STXBP4: variants seen among roughly 807,000 people sequenced by gnomAD.
STXBP4 encodes the protein syntaxin-binding protein 4.
A neutral mutation model predicts 76.1 loss-of-function variants in STXBP4; 55 were observed. The observed-to-expected ratio is 0.72, with a 90% CI of 0.58 to 0.91. STXBP4 has a LOEUF of 0.91. Among genes scored for constraint, STXBP4 ranks in the 40% least tolerant of loss-of-function variants. The pLI, the probability that STXBP4 is intolerant of heterozygous loss-of-function variation, is 0.00. For synonymous variants in STXBP4, 201 were observed against 220.2 expected, an observed-to-expected ratio of 0.91 and a Z score of 0.77; for missense variants, 618 against 636.9, an observed-to-expected ratio of 0.97 and a Z score of 0.32.
At chr17:55,014,699 C>T (rs2078174256) in intron 8 of STXBP4, among the ~76,000 whole-genome samples, 1 of 152,162 alleles carries the variant, frequency 6.6e-6, no homozygotes, top group South Asian at 2.1e-4. Flanking sequence ...ACTCAGAGGA[C>T]CTTCATCCCC....
intron 12 of STXBP4, among the ~76,000 whole-genome samples, chr17:55,051,753 T>C (rs953279431): frequency 6.6e-6 from 1 of 152,014 alleles, no homozygotes; most frequent in African/African-American, 2.4e-5. Flanking sequence ...ACACCTTGTC[T>C]CTTAAAAGGA....
At chr17:55,060,617 T>C (rs1221376277) in intron 12 of STXBP4, among the ~76,000 whole-genome samples, 1 of 152,158 alleles carries the variant, frequency 6.6e-6, no homozygotes, top group Non-Finnish European at 1.5e-5. Flanking sequence ...CAATCAAGGA[T>C]AGCTACCAGA....
intron 12 of STXBP4, among the ~76,000 whole-genome samples, chr17:55,059,378 A>G (rs1165555358): frequency 6.6e-6 from 1 of 152,172 alleles, no homozygotes; most frequent in Admixed American, 6.5e-5. Flanking sequence ...TGACACAGAC[A>G]TTACAGTTCA....
intron 1 of STXBP4, among the ~76,000 whole-genome samples, chr17:54,973,528 T>C (rs2077428307): frequency 6.6e-6 from 1 of 152,172 alleles, no homozygotes; most frequent in South Asian, 2.1e-4. Flanking sequence ...TACAAGGAGT[T>C]CTTATGATGA....
At chr17:55,132,500 T>C (rs922850279) in intron 16 of STXBP4, among the ~76,000 whole-genome samples, 6 of 152,188 alleles carry the variant, frequency 3.9e-5, no homozygotes, top group African/African-American at 1.4e-4. Context: ...AATTATCTTA[T>C]TAAACACCCT....
Position 55,070,031 on chromosome 17 carries a change from A to C in STXBP4, c.1012-2869A>C, listed in dbSNP as rs138923734. Among the ~76,000 whole-genome samples the C allele has an allele frequency of 6.6e-5, 10 of 152,212 alleles. No homozygotes were observed. In the South Asian group the frequency reaches 1.9e-3, roughly 28 times the overall value. On this transcript the variant is annotated intron_variant, in intron 12 of 17. Transcript: ENST00000376352. ...TAATGACCACATCATAAGCTCATCCAGGACTGGGCACTGATAATATTGTCA... is the reference window on the plus strand; with the variant it reads ...TAATGACCACATCATAAGCTCATCCCGGACTGGGCACTGATAATATTGTCA...
chr17:55,200,850 A>G, the STXBP4 span, among the ~76,000 whole-genome samples: 1 of 152,346 alleles, frequency 6.6e-6, no homozygotes, highest in East Asian at 1.9e-4. Flanking sequence ...CATAGTGCAT[A>G]TGTTAGAAAC....
At chr17:55,091,563 C>G (rs1160922696) in intron 16 of STXBP4, among the ~76,000 whole-genome samples, 1 of 152,070 alleles carries the variant, frequency 6.6e-6, no homozygotes, top group Non-Finnish European at 1.5e-5. Flanking sequence ...GAGCATAACA[C>G]AGTTTATTCA....
intron 8 of STXBP4, among the ~76,000 whole-genome samples, chr17:55,012,939 GT>G (rs1245947227): frequency 6.6e-6 from 1 of 152,194 alleles, no homozygotes; most frequent in Non-Finnish European, 1.5e-5. Context: ...TGGGTTAAGA[GT>G]TGCACAAGTG....
chr17:55,046,017 G>A (rs1261426274), intron 11 of STXBP4, among the ~76,000 whole-genome samples: 1 of 151,966 alleles, frequency 6.6e-6, no homozygotes, highest in Admixed American at 6.6e-5. Flanking sequence ...AAATAAAAAT[G>A]AAACCAAGAT....
chr17:55,166,208 A>G lies in STXBP4; in HGVS notation c.*6297A>G, dbSNP rs2080377020. ...TAATTGGTGAGTTTAGGATTAAAAA[A>G]AGGAATACATCCTAGAACATTTCTT... On this transcript the variant is annotated 3_prime_UTR_variant, in exon 18 of 18. Coordinates refer to ENST00000376352, the MANE Select transcript of STXBP4 (RefSeq NM_178509.6). 1 of 152,216 alleles carries G rather than the reference A, an allele frequency of 6.6e-6. No homozygotes were observed. The highest frequency in any genetic ancestry group is 2.4e-5 in the African/African-American group (1 of 41,448). 9.4% of individuals were successfully genotyped at this position (152,216 alleles called of 1,614,324 possible). A position where few individuals can be genotyped will look rare whatever the true frequency, so the allele number is the denominator to read the frequency against.
chr17:55,046,851 T>C (rs1487378414), intron 11 of STXBP4, among the ~76,000 whole-genome samples: 1 of 151,954 alleles, frequency 6.6e-6, no homozygotes, highest in Non-Finnish European at 1.5e-5. Context: ...TGTTAGAGCT[T>C]ATATTTTGAG....
chr17:54,971,451 A>G (rs886657010), intron 1 of STXBP4, among the ~76,000 whole-genome samples: 24 of 152,196 alleles, frequency 1.6e-4, no homozygotes, highest in Non-Finnish European at 1.5e-5. Context: ...CATAGATTGG[A>G]GTAAATGAGC....
chr17:54,986,164 TTCA>T lies in STXBP4; in HGVS notation c.-52_-50del. 7.0e-7 allele frequency: 1 copy of T among 1,429,672 alleles called. No individual in the cohort carries two copies. Among genetic ancestry groups the T allele is most frequent in the Non-Finnish European group, 9.7e-7 (1 of 1,027,568 alleles). 88.6% of individuals were successfully genotyped at this position (1,429,672 alleles called of 1,614,324 possible). A position where few individuals can be genotyped will look rare whatever the true frequency, so the allele number is the denominator to read the frequency against. ...TAGGAAAAGAAGAATTTCTAGACTC[TTCA>T]TCAAGATCTTCATTTATACAGCTGT... On this transcript the variant is annotated 5_prime_UTR_variant, in exon 3 of 18. Coordinates refer to ENST00000376352, the MANE Select transcript of STXBP4 (RefSeq NM_178509.6).
At chr17:55,149,566 TGTTA>T (rs2080192365) in intron 17 of STXBP4, among the ~76,000 whole-genome samples, 1 of 152,218 alleles carries the variant, frequency 6.6e-6, no homozygotes, top group Non-Finnish European at 1.5e-5. Flanking sequence ...GCTTAACAGC[TGTTA>T]GTTACCCCTC....
the STXBP4 span, among the ~76,000 whole-genome samples, chr17:55,197,492 C>T: frequency 6.6e-6 from 1 of 152,242 alleles, no homozygotes; most frequent in East Asian, 1.9e-4. Context: ...GCCTGTAATC[C>T]CAGCACTTTG....
intron 8 of STXBP4, among the ~76,000 whole-genome samples, 188 bp downstream of exon 8, chr17:55,007,785 C>T (rs994047448): frequency 1.3e-5 from 2 of 152,042 alleles, no homozygotes; most frequent in East Asian, 1.9e-4. Context: ...TGGTGGTTCA[C>T]TAGTACAAAA....
rs138046469 is a variant in STXBP4 at position 55,115,567 on chromosome 17, A to G, written c.1490-25743A>G. Among the ~76,000 whole-genome samples the G allele has an allele frequency of 5.6e-3, 848 of 151,794 alleles. 2 individuals are homozygous for G. The highest frequency in any genetic ancestry group is 8.4e-3 in the Admixed American group (128 of 15,206). On this transcript the variant is annotated intron_variant, in intron 16 of 17. Coordinates refer to ENST00000376352, the MANE Select transcript of STXBP4 (RefSeq NM_178509.6). ...ATAGAAGTGCAGATTTTGTTCATAT[A>G]TTTTCTGAATTTTTAACTATACCCT...
At chr17:55,107,264 G>A (rs575756057) in intron 16 of STXBP4, among the ~76,000 whole-genome samples, 115 of 152,126 alleles carry the variant, frequency 7.6e-4, no homozygotes, top group African/African-American at 1.7e-3. Flanking sequence ...TGAAGTTCTC[G>A]TGCTGTGTTT....
Sources: gnomAD v4.1 joint callset for allele counts (sites outside exome capture counted in the v4.1 genomes callset) on GRCh38, gnomAD v4.1.1 for gene constraint, MANE v1.5 for transcripts, NCBI Gene and HGNC (gene_info 2026-07-23, HGNC 2026-07-21) for gene names.